ERI3: variants seen among roughly 807,000 people sequenced by gnomAD.
ERI3 encodes the protein ERI1 exoribonuclease 3.
ERI3 carries 18 observed loss-of-function variants against 44.4 expected under a neutral mutation model. That is an observed-to-expected ratio of 0.41 (90% CI 0.28 to 0.60). The LOEUF (loss-of-function observed/expected upper bound fraction) is 0.60. ERI3 is among the 20% of genes least tolerant of loss of function. The pLI is 0.36. For synonymous variants in ERI3, 183 were observed against 164.8 expected, an observed-to-expected ratio of 1.11 and a Z score of -0.84; for missense variants, 294 against 435.5, an observed-to-expected ratio of 0.68 and a Z score of 2.89.
In ERI3 at chr1:44,283,465, G is replaced by A. The variant is rs568166551; in HGVS notation, c.831+1370C>T. On this transcript the variant is annotated intron_variant, in intron 7 of 8. Coordinates refer to ENST00000372257, the MANE Select transcript of ERI3 (RefSeq NM_024066.3). ...GCTTCTCAGCAGAAGTGATACCTGAGGTGAATCTTCCAGGGCAGGGAATAT... is the reference window on the plus strand; with the variant it reads ...GCTTCTCAGCAGAAGTGATACCTGAAGTGAATCTTCCAGGGCAGGGAATAT... Among the ~76,000 whole-genome samples, 182 of 152,310 alleles carry A rather than the reference G, an allele frequency of 1.2e-3. 1 individual carries two copies. The highest frequency in any genetic ancestry group is 4.2e-3 in the African/African-American group (176 of 41,560).
chr1:44,348,583 A>T (rs1238823435), intron 2 of ERI3, among the ~76,000 whole-genome samples: 1 of 152,236 alleles, frequency 6.6e-6, no homozygotes, highest in African/African-American at 2.4e-5. Context: ...AATGTCCCCA[A>T]AGAGGAAAGC....
At chr1:44,262,409 CATTTAT>C (rs1290856510) in intron 7 of ERI3, among the ~76,000 whole-genome samples, 1 of 152,254 alleles carries the variant, frequency 6.6e-6, no homozygotes, top group Non-Finnish European at 1.5e-5. Context: ...AAGGCAACAC[CATTTAT>C]ATTACCCTGT....
intron 7 of ERI3, among the ~76,000 whole-genome samples, chr1:44,260,268 G>A (rs930877391): frequency 6.6e-6 from 1 of 152,230 alleles, no homozygotes; most frequent in Non-Finnish European, 1.5e-5. Flanking sequence ...TGAGAGGAGG[G>A]AAGTTCTCAG....
intron 6 of ERI3, among the ~76,000 whole-genome samples, chr1:44,302,661 T>A (rs1187198227): frequency 6.6e-6 from 1 of 152,102 alleles, no homozygotes; most frequent in African/African-American, 2.4e-5. Flanking sequence ...AACTTAACAG[T>A]CCACACCTCT....
chr1:44,266,043 C>G, intron 7 of ERI3, among the ~76,000 whole-genome samples: 1 of 152,086 alleles, frequency 6.6e-6, no homozygotes, highest in East Asian at 1.9e-4. Flanking sequence ...CAATAAAACT[C>G]TTTTTTAAAA....
At chr1:44,257,994 G>C (rs1283105814) in intron 7 of ERI3, among the ~76,000 whole-genome samples, 1 of 152,168 alleles carries the variant, frequency 6.6e-6, no homozygotes, top group Non-Finnish European at 1.5e-5. Context: ...AGGGACTGCA[G>C]CTTGAACTAT....
Position 44,228,002 on chromosome 1 carries a change from A to G in ERI3, c.932-6362T>C, listed in dbSNP as rs1288421290. Among the ~76,000 whole-genome samples, 1 of 152,216 alleles carries G rather than the reference A, an allele frequency of 6.6e-6. No individual in the cohort carries two copies. Among genetic ancestry groups the G allele is most frequent in the Non-Finnish European group, 1.5e-5 (1 of 68,044 alleles). On this transcript the variant is annotated intron_variant, in intron 8 of 8. Coordinates refer to ENST00000372257, the MANE Select transcript of ERI3 (RefSeq NM_024066.3). The surrounding 1 kb of genome is among the most constrained non-coding windows in gnomAD (Gnocchi z 4.3). ...TGTTATTCCAATAACATCTAAAAATAATGTTATTCCAACAATAAATTCCTG... is the reference window on the plus strand; with the variant it reads ...TGTTATTCCAATAACATCTAAAAATGATGTTATTCCAACAATAAATTCCTG...
At chr1:44,286,345 G>A (rs1376586144) in intron 6 of ERI3, among the ~76,000 whole-genome samples, 1 of 152,174 alleles carries the variant, frequency 6.6e-6, no homozygotes, top group Non-Finnish European at 1.5e-5. Context: ...AGCACTCGAT[G>A]TCTGCTGAGT....
At chr1:44,308,775 T>C in intron 5 of ERI3, among the ~76,000 whole-genome samples, 1 of 152,178 alleles carries the variant, frequency 6.6e-6, no homozygotes, top group Non-Finnish European at 1.5e-5. Flanking sequence ...AACAGGGTAG[T>C]AGGAGGCCCC....
intron 7 of ERI3, among the ~76,000 whole-genome samples, chr1:44,283,021 T>C (rs1312049181): frequency 6.6e-6 from 1 of 152,176 alleles, no homozygotes. Flanking sequence ...GAGCTATCCA[T>C]ACACCAAAAA....
intron 2 of ERI3, among the ~76,000 whole-genome samples, chr1:44,340,149 CA>C (rs35880098): frequency 0.88 from 106,169 of 121,116 alleles, 46,302 homozygotes; most frequent in East Asian, 0.97. Context: ...TGAACATGTG[CA>C]AAAAAAAAAA....
chr1:44,247,253 C>T (rs573284765), intron 8 of ERI3, among the ~76,000 whole-genome samples: 1 of 152,246 alleles, frequency 6.6e-6, no homozygotes, highest in African/African-American at 2.4e-5. Context: ...TATGCAGACA[C>T]ACAGATACAG....
At position 44,314,352 on chromosome 1, in the gene ERI3, A is replaced by G. The variant is rs568997355; in HGVS notation, c.607-1124T>C. Among the ~76,000 whole-genome samples, 9 of 152,286 alleles carry G rather than the reference A, an allele frequency of 5.9e-5. No individual in the cohort carries two copies. In the East Asian group the frequency reaches 1.7e-3, roughly 29 times the overall value. ...TCCTCTAGGTGGGTTTCTGTAGTTC[A>G]TCAAGTCATTATTAGGTGGTATTTT... On this transcript the variant is annotated intron_variant, in intron 4 of 8. Transcript: ENST00000372257.
chr1:44,239,040 CA>C (rs1399478693), intron 8 of ERI3, among the ~76,000 whole-genome samples: 3 of 151,578 alleles, frequency 2.0e-5, no homozygotes, highest in South Asian at 2.1e-4. Context: ...CTCCCCCCCC[CA>C]ATCCAGCTTC....
chr1:44,349,028 C>T (rs1646839529), intron 2 of ERI3, among the ~76,000 whole-genome samples: 1 of 152,116 alleles, frequency 6.6e-6, no homozygotes, highest in East Asian at 1.9e-4. Flanking sequence ...AATAAATGAC[C>T]CCAGACAGAC....
intron 7 of ERI3, among the ~76,000 whole-genome samples, chr1:44,255,173 C>A (rs191199403): frequency 1.3e-5 from 2 of 152,278 alleles, no homozygotes; most frequent in Admixed American, 1.3e-4. Flanking sequence ...ATTTCACATC[C>A]TATCCAGCTA....
rs1037989145 is a variant in ERI3 at position 44,282,899 on chromosome 1, C to A, written c.831+1936G>T. On this transcript the variant is annotated intron_variant, in intron 7 of 8. Coordinates refer to ENST00000372257, the MANE Select transcript of ERI3 (RefSeq NM_024066.3). Reference sequence around the variant, plus strand: ...CCAAACTGAACAGACTCTGGGCAGCCTGCCTTTACCCCCACCCTTTGGGCC... The same window carrying A: ...CCAAACTGAACAGACTCTGGGCAGCATGCCTTTACCCCCACCCTTTGGGCC... 1.3e-5 allele frequency among the ~76,000 whole-genome samples: 2 copies of A among 152,298 alleles called. 1 individual carries two copies. Among genetic ancestry groups the A allele is most frequent in the Admixed American group, 1.3e-4 (2 of 15,306 alleles).
intron 7 of ERI3, among the ~76,000 whole-genome samples, chr1:44,272,934 T>C (rs1645116756): frequency 1.3e-5 from 2 of 152,300 alleles, no homozygotes; most frequent in South Asian, 4.1e-4. Context: ...TTTTTTCCAT[T>C]ATGTACTTTA....
chr1:44,353,836 A>C, intron 1 of ERI3: 2 of 985,344 alleles, frequency 2.0e-6, no homozygotes, highest in Non-Finnish European at 1.2e-6. Flanking sequence ...GCACCACAGA[A>C]TCTATAAAGG....
Sources: allele counts gnomAD v4.1 joint callset (sites outside exome capture counted in the v4.1 genomes callset), GRCh38; gene constraint gnomAD v4.1.1; non-coding constraint Gnocchi (gnomAD v3.1); transcripts MANE v1.5; gene names NCBI Gene and HGNC (gene_info 2026-07-23, HGNC 2026-07-21).